PDE1A: variants seen among roughly 807,000 people sequenced by gnomAD.
The protein encoded by PDE1A is dual specificity calcium/calmodulin-dependent 3',5'-cyclic nucleotide phosphodiesterase 1A.
Under a neutral mutation model 61.7 loss-of-function variants are expected in PDE1A, and 35 were observed. The ratio of observed to expected loss-of-function variants is 0.57; its 90% CI spans 0.43 to 0.75. The LOEUF (loss-of-function observed/expected upper bound fraction) is 0.75. Among genes scored for constraint, PDE1A ranks in the 30% least tolerant of loss-of-function variants. The pLI is 0.00. For missense variants in PDE1A, 597 were observed against 630.6 expected, an observed-to-expected ratio of 0.95 and a Z score of 0.57; for synonymous variants, 232 against 213.2, an observed-to-expected ratio of 1.09 and a Z score of -0.77.
chr2:182,419,084 C>T (rs1703106056), intron 1 of PDE1A, among the ~76,000 whole-genome samples: 1 of 148,130 alleles, frequency 6.8e-6, no homozygotes, highest in South Asian at 2.1e-4. Flanking sequence ...AAAAAAAAAA[C>T]ATTGTACTGA....
At chr2:182,432,533 T>A (rs1210096853) in intron 2 of PDE1A, among the ~76,000 whole-genome samples, 1 of 152,088 alleles carries the variant, frequency 6.6e-6, no homozygotes, top group African/African-American at 2.4e-5. Context: ...GTCTGTTGTA[T>A]TCCCTGTGCA....
chr2:182,575,374 C>T, the PDE1A span, among the ~76,000 whole-genome samples: 1 of 151,970 alleles, frequency 6.6e-6, no homozygotes, highest in East Asian at 2.0e-4. Context: ...TAACTCCCTT[C>T]TTAGCCTGTT....
At chr2:182,304,054 C>T (rs1049073707) in intron 1 of PDE1A, among the ~76,000 whole-genome samples, 1 of 152,032 alleles carries the variant, frequency 6.6e-6, no homozygotes, top group Non-Finnish European at 1.5e-5. Context: ...GTGTGTGCCA[C>T]CATGACCAGC....
intron 2 of PDE1A, among the ~76,000 whole-genome samples, chr2:182,489,002 G>A (rs985789508): frequency 2.4e-4 from 36 of 152,264 alleles, no homozygotes; most frequent in African/African-American, 8.4e-4. Context: ...TATGTCAGAA[G>A]GTGAAAAGTT....
intron 8 of PDE1A, 112 bp downstream of exon 8, chr2:182,205,827 TA>T: frequency 2.3e-6 from 2 of 884,588 alleles, no homozygotes; most frequent in South Asian, 3.4e-5. Context: ...CGACAGTAAT[TA>T]AGTTTGTAAT....
At chr2:182,416,327 T>C (rs1424629782) in intron 1 of PDE1A, among the ~76,000 whole-genome samples, 1 of 152,192 alleles carries the variant, frequency 6.6e-6, no homozygotes, top group Non-Finnish European at 1.5e-5. Flanking sequence ...AAAGGCAAGT[T>C]AAAATGCTGC....
intron 2 of PDE1A, among the ~76,000 whole-genome samples, chr2:182,503,003 CTTTCTCTCT>C (rs1469117448): frequency 6.6e-6 from 1 of 151,364 alleles, no homozygotes; most frequent in East Asian, 1.9e-4. Flanking sequence ...CAGGTTCTCT[CTTTCTCTCT>C]CTCTCTCTCC....
intron 13 of PDE1A, among the ~76,000 whole-genome samples, chr2:182,180,189 C>G (rs948986285): frequency 6.6e-6 from 1 of 151,772 alleles, no homozygotes; most frequent in African/African-American, 2.4e-5. Context: ...AATAGCTTAT[C>G]ATTGTTTCAT....
intron 1 of PDE1A, among the ~76,000 whole-genome samples, chr2:182,371,236 A>T (rs933723995): frequency 6.6e-6 from 1 of 152,214 alleles, no homozygotes; most frequent in Non-Finnish European, 1.5e-5. Flanking sequence ...CTTCTTCCAT[A>T]TTAAATTATT....
intron 1 of PDE1A, among the ~76,000 whole-genome samples, chr2:182,278,813 T>C (rs540084036): frequency 1.3e-5 from 2 of 152,116 alleles, no homozygotes; most frequent in South Asian, 2.1e-4. Flanking sequence ...AAAAATCTGG[T>C]AGAATTGACT....
chr2:182,427,013 CA>C lies in PDE1A; in HGVS notation c.-384del, dbSNP rs1176766644. ...ATTGCAGCCATGAGAGCTCTCCTTC[CA>C]CATGCTGGTCAAGCTCCGAAAGGCT... On this transcript the variant is annotated 5_prime_UTR_variant, in exon 1 of 14. The change creates a premature stop within an existing upstream ORF in the 5' untranslated region. Transcript: ENST00000351439. The C allele has an allele frequency of 1.0e-6, 1 of 998,576 alleles. No individual in the cohort carries two copies. The highest frequency in any genetic ancestry group is 1.0e-4 in the East Asian group (1 of 9,604). 61.9% of individuals were successfully genotyped at this position (998,576 alleles called of 1,614,324 possible).
chr2:182,524,548 G>A (rs1376669838), upstream of PDE1A, among the ~76,000 whole-genome samples: 3 of 151,618 alleles, frequency 2.0e-5, no homozygotes, highest in Non-Finnish European at 4.4e-5. Context: ...ATACTAATTC[G>A]GTCACTTACT....
At chr2:182,249,642 C>T (rs1222935203) in intron 2 of PDE1A, among the ~76,000 whole-genome samples, 1 of 152,042 alleles carries the variant, frequency 6.6e-6, no homozygotes, top group Non-Finnish European at 1.5e-5. Context: ...AAGTGGTTTC[C>T]TCCTAGGAGA....
intron 2 of PDE1A, among the ~76,000 whole-genome samples, chr2:182,513,402 G>A (rs1031492565): frequency 6.6e-6 from 1 of 152,164 alleles, no homozygotes; most frequent in Middle Eastern, 3.2e-3. Context: ...CAAATGCTAA[G>A]GGAATTTGTT....
At chr2:182,655,420 A>T in the PDE1A span, among the ~76,000 whole-genome samples, 1 of 152,156 alleles carries the variant, frequency 6.6e-6, no homozygotes, top group East Asian at 1.9e-4. Context: ...CTCTCCACTT[A>T]CCAGCCTTAT....
At chr2:182,653,757 T>A in the PDE1A span, among the ~76,000 whole-genome samples, 3 of 152,200 alleles carry the variant, frequency 2.0e-5, no homozygotes, top group South Asian at 6.2e-4. Flanking sequence ...TCAGCAGCAC[T>A]AGTAGCCCAC....
chr2:182,593,215 T>C, the PDE1A span, among the ~76,000 whole-genome samples: 24 of 152,302 alleles, frequency 1.6e-4, no homozygotes, highest in African/African-American at 5.8e-4. Flanking sequence ...TGCAGTGTCA[T>C]CCCCAAACAA....
intron 4 of PDE1A, among the ~76,000 whole-genome samples, chr2:182,233,973 C>A (rs1301074124): frequency 6.6e-6 from 1 of 152,108 alleles, no homozygotes; most frequent in Non-Finnish European, 1.5e-5. Context: ...TTAATTTTAT[C>A]TTACATTTTG....
chr2:182,264,551 A>G (rs1692464427), intron 1 of PDE1A, 137 bp from the exon 2 acceptor site: 1 of 592,618 alleles, frequency 1.7e-6, no homozygotes. Context: ...CATTATTTTC[A>G]GATTTTTTTT....
Sources: gnomAD v4.1 joint callset for allele counts (sites outside exome capture counted in the v4.1 genomes callset) on GRCh38, gnomAD v4.1.1 for gene constraint, MANE v1.5 for transcripts, NCBI Gene and HGNC (gene_info 2026-07-23, HGNC 2026-07-21) for gene names.